ATG2A: variants seen among roughly 807,000 people sequenced by gnomAD.
ATG2A encodes autophagy-related protein 2 homolog A.
In ATG2A, 103 loss-of-function variants were observed where a neutral mutation model predicts 214.2. That is an observed-to-expected ratio of 0.48 (90% CI 0.41 to 0.57). ATG2A has a LOEUF of 0.57. Ranked by LOEUF, ATG2A falls within the 20% of genes least tolerant of loss-of-function variation. The pLI is 0.00. For missense variants in ATG2A, 2,312 were observed against 2,613.2 expected (o/e 0.88, Z 2.51); for synonymous variants, 1,160 against 1,142.1 (o/e 1.02, Z -0.32).
Position 64,898,567 on chromosome 11 carries a change from C to T in ATG2A, c.4671+69G>A. On this transcript the variant is annotated intron_variant, in intron 32 of 40. Coordinates refer to ENST00000377264, the MANE Select transcript of ATG2A (RefSeq NM_015104.3). This position sits in a 1 kb window ranked among gnomAD's most constrained non-coding sequence, Gnocchi z 4.5. ...ATGCGTGTATGTGTGTGAATCCATG[C>T]ATGCGTGAAGATGTATCCCCAACGG... 1 of 1,544,716 alleles carries T rather than the reference C, an allele frequency of 6.5e-7. No individual in the cohort carries two copies. The highest frequency in any genetic ancestry group is 8.9e-7 in the Non-Finnish European group (1 of 1,120,416).
chr11:64,909,819 C>A lies in ATG2A; in HGVS notation c.1969G>T (p.Asp657Tyr). The A allele has an allele frequency of 1.2e-6, 2 of 1,611,392 alleles. No individual in the cohort carries two copies. Among genetic ancestry groups the A allele is most frequent in the Non-Finnish European group, 8.5e-7 (1 of 1,179,440 alleles). The change falls in exon 14 of 41, where the codon GAC becomes TAC. Residue 657 changes from aspartate (D) to tyrosine (Y), a missense_variant. Asp to Tyr is a radical substitution (Grantham distance 160). Coordinates refer to ENST00000377264, the MANE Select transcript of ATG2A (RefSeq NM_015104.3). The part of the protein sequence containing the change: ...FPIADLRPEP[D>Y]PWAGQAVRAE... ...CGCACGGCCTGGCCCGCCCAGGGGT[C>A]CGGCTCAGGCCGCAGGTCGGCAATG...
Position 64,911,898 on chromosome 11 carries a change from G to A in ATG2A, c.1172C>T (p.Ser391Phe). 1.2e-6 allele frequency: 2 copies of A among 1,613,776 alleles called. No individual in the cohort carries two copies. Among genetic ancestry groups the A allele is most frequent in the East Asian group, 4.5e-5 (2 of 44,886 alleles). Residue 391 changes from serine to phenylalanine, a missense_variant, in exon 9 of 41, where the codon TCC (serine) becomes TTC (phenylalanine). Coordinates refer to ENST00000377264, the MANE Select transcript of ATG2A (RefSeq NM_015104.3). ...ELSLSDVDLA[S>F]SVRSDMASRR... ...GGAGGCCATGTCGCTGCGCACAGAG[G>A]AGGCCAGGTCTACATCGGAGAGGGA... is the stretch of plus-strand genomic sequence containing the variant.
intron 22 of ATG2A, 85 bp downstream of exon 22, chr11:64,906,028 G>A (rs1214066279): frequency 5.3e-5 from 78 of 1,475,210 alleles, no homozygotes; most frequent in Non-Finnish European, 7.0e-5. Context: ...TCCTCCCACC[G>A]GCCTCCTCCC....
rs780263618 is a variant in ATG2A at position 64,895,402 on chromosome 11, G to T, written c.5468C>A (p.Ala1823Asp). The change falls in exon 40 of 41, where the codon GCC (alanine) becomes GAC (aspartate). Residue 1823 changes from alanine (A) to aspartate (D), a missense_variant. By Grantham distance (126) the Ala-to-Asp change is moderately radical. Coordinates refer to ENST00000377264, the MANE Select transcript of ATG2A (RefSeq NM_015104.3). This position sits in a 1 kb window ranked among gnomAD's most constrained non-coding sequence, Gnocchi z 5.0. ...ATCCTGCAGGGAGCGGGAGACGGGG[G>T]CTGCCGGGGACAGGATGTCATACAC... is the stretch of plus-strand genomic sequence containing the variant. Reference protein sequence around the residue: ...ETVYDILSPAAPVSRSLQDKR... With the variant: ...ETVYDILSPADPVSRSLQDKR... 1.2e-6 allele frequency: 2 copies of T among 1,608,222 alleles called. No homozygotes were observed. The highest frequency in any genetic ancestry group is 2.7e-5 in the African/African-American group (2 of 74,842).
At chr11:64,906,903 C>T in intron 19 of ATG2A, 88 bp from the exon 20 acceptor site, 1 of 1,464,228 alleles carries the variant, frequency 6.8e-7, no homozygotes, top group Non-Finnish European at 9.1e-7. Flanking sequence ...GGAGCCCTGG[C>T]CTAAGGGGGT....
In ATG2A at chr11:64,912,185, C is replaced by T; in HGVS notation, c.987G>A (p.Leu329=). 6.2e-7 allele frequency: 1 copy of T among 1,613,962 alleles called. No homozygotes were observed. Among genetic ancestry groups the T allele is most frequent in the South Asian group, 1.1e-5 (1 of 91,090 alleles). The change falls in exon 8 of 41, where the codon CTG becomes CTA. Residue 329 remains leucine, a synonymous_variant. Transcript: ENST00000377264. ...GCTGCTGGTTCAGGTCCTGCTCAAT[C>T]AGCCACAGGTCTTCGGCACCTAGCG... ...SRPLGAEDLW[L]IEQDLNQQLQ... is the part of the protein sequence containing the mutation.
rs771790694 is a variant in ATG2A, at chr11:64,898,983, G to A, written c.4465-141C>T. ...GGTTGGAGTGCAGTGGCGTGATCTC[G>A]GCTCACTGCAACCTCTGCCTCTCGG... On this transcript the variant is annotated intron_variant, in intron 31 of 40. Transcript: ENST00000377264. This position sits in a 1 kb window ranked among gnomAD's most constrained non-coding sequence, Gnocchi z 4.5. 1.5e-5 allele frequency: 11 copies of A among 735,856 alleles called. No individual in the cohort carries two copies. Among genetic ancestry groups the A allele is most frequent in the Middle Eastern group, 7.8e-4 (2 of 2,568 alleles). 45.6% of individuals were successfully genotyped at this position (735,856 alleles called of 1,614,324 possible).
chr11:64,911,229 C>G lies in ATG2A; in HGVS notation c.1275G>C (p.Ser425=), dbSNP rs200164550. Residue 425 remains serine (S), a synonymous_variant, in exon 10 of 41, where the codon TCG becomes TCC. Transcript: ENST00000377264. ...NPLLDTMRPD[S]LLKMTLGGVT... is the part of the protein sequence containing the mutation. ...CACCCCCCAAGGTCATCTTCAGCAG[C>G]GAGTCAGGGCGCATGGTGTCCAGGA... The G allele has an allele frequency of 6.2e-6, 10 of 1,613,936 alleles. No individual in the cohort carries two copies. Among genetic ancestry groups the G allele is most frequent in the Non-Finnish European group, 8.5e-6 (10 of 1,180,056 alleles).
In ATG2A at chr11:64,911,746, G is replaced by A. The variant is rs572391996; in HGVS notation, c.1228+96C>T. On this transcript the variant is annotated intron_variant, in intron 9 of 40. Coordinates refer to ENST00000377264, the MANE Select transcript of ATG2A (RefSeq NM_015104.3). ...CACAGATGGTAGATATCCAGGCATC[G>A]CTGGGGATTTCCTGTGTGCCTCTGA... is the stretch of plus-strand genomic sequence containing the variant. 1,424 of 1,511,518 alleles carry A rather than the reference G, an allele frequency of 9.4e-4. 2 individuals are homozygous for A. Among genetic ancestry groups the A allele is most frequent in the African/African-American group, 3.3e-3 (242 of 72,576 alleles). The allele number at this position is 1,511,518 out of a possible 1,614,324, so 93.6% of individuals were successfully genotyped here. A position where few individuals can be genotyped will look rare whatever the true frequency, so the allele number is the denominator to read the frequency against.
At position 64,912,245 on chromosome 11, in the gene ATG2A, G is replaced by A. The variant is rs202060798; in HGVS notation, c.927C>T (p.His309=). ...TGTTCAGCTTGTCAGCCAGGCCCTCGTGGTCTGCAGGGGAGGAGACTTCAG... is the reference window on the plus strand; with the variant it reads ...TGTTCAGCTTGTCAGCCAGGCCCTCATGGTCTGCAGGGGAGGAGACTTCAG... ...ELLSAVSLTD[H]EGLADKLNKS... is the part of the protein sequence containing the mutation. The change falls in exon 8 of 41, where the codon CAC becomes CAT. Residue 309 remains histidine, a synonymous_variant. Coordinates refer to ENST00000377264, the MANE Select transcript of ATG2A (RefSeq NM_015104.3). The A allele has an allele frequency of 2.4e-4, 384 of 1,612,762 alleles. 4 individuals carry two copies. The East Asian group carries it at 8.1e-3, about 34-fold the overall frequency.
At position 64,916,626 on chromosome 11, in the gene ATG2A, C is replaced by T. The variant is rs7933426; in HGVS notation, c.171+339G>A. On this transcript the variant is annotated intron_variant, in intron 1 of 40. Transcript: ENST00000377264. ...CTGCCCTGGCCCAGCTCAGTTCCTA[C>T]GCTCCCTCCCCAGCCCCTCCTCAGC... Among the ~76,000 whole-genome samples, 463 of 152,204 alleles carry T rather than the reference C, an allele frequency of 3.0e-3. 3 individuals carry two copies. The highest frequency in any genetic ancestry group is 0.011 in the African/African-American group (445 of 41,530).
Position 64,894,915 on chromosome 11 carries a change from T to C in ATG2A, c.*58A>G. ...CCGGGCCGGGCCCGTGGGCTGCAGC[T>C]CTTGGGAGGCTCAGGAGCATGGTGG... is the stretch of plus-strand genomic sequence containing the variant. On this transcript the variant is annotated 3_prime_UTR_variant, in exon 41 of 41. Transcript: ENST00000377264. 1 of 1,597,254 alleles carries C rather than the reference T, an allele frequency of 6.3e-7. No individual in the cohort carries two copies. The highest frequency in any genetic ancestry group is 1.3e-5 in the African/African-American group (1 of 74,826).
chr11:64,909,832 C>A lies in ATG2A; in HGVS notation c.1956G>T (p.Leu652=). Residue 652 remains leucine (L), a synonymous_variant, in exon 14 of 41, where the codon CTG becomes CTT. Transcript: ENST00000377264. The part of the protein sequence containing the change: ...TLRLRFPIAD[L]RPEPDPWAGQ... ...CCGCCCAGGGGTCCGGCTCAGGCCGCAGGTCGGCAATGGGGAAGCGCAGCC... is the reference window on the plus strand; with the variant it reads ...CCGCCCAGGGGTCCGGCTCAGGCCGAAGGTCGGCAATGGGGAAGCGCAGCC... The A allele has an allele frequency of 5.0e-6, 8 of 1,610,828 alleles. No individual in the cohort carries two copies. The highest frequency in any genetic ancestry group is 6.8e-6 in the Non-Finnish European group (8 of 1,179,254).
At position 64,913,352 on chromosome 11, in the gene ATG2A, CCGG is replaced by C; in HGVS notation, c.637_639del (p.Pro213del). The C allele has an allele frequency of 6.2e-7, 1 of 1,602,262 alleles. No homozygotes were observed. Among genetic ancestry groups the C allele is most frequent in the East Asian group, 2.2e-5 (1 of 44,480 alleles). On this transcript the variant is annotated inframe_deletion, in exon 5 of 41. Coordinates refer to ENST00000377264, the MANE Select transcript of ATG2A (RefSeq NM_015104.3). This position sits in a 1 kb window ranked among gnomAD's most constrained non-coding sequence, Gnocchi z 4.3. ...AAGGCAGGCGGCTGATGCACGTCCA[CCGG>C]CGGCGCCTGGCTTGGGTCCCGCACT...
In ATG2A at chr11:64,907,395, C is replaced by T; in HGVS notation, c.2692G>A (p.Asp898Asn). ...LTPDSDSDDE[D>N]AHFFSVGASG... Reference sequence around the variant, plus strand: ...GCCCCCACTGAGAAGAAGTGGGCATCCTCGTCATCCGAGTCCGAGTCTGGG... The same window carrying T: ...GCCCCCACTGAGAAGAAGTGGGCATTCTCGTCATCCGAGTCCGAGTCTGGG... Residue 898 changes from aspartate to asparagine, a missense_variant, in exon 19 of 41, where the codon GAT becomes AAT. Transcript: ENST00000377264. 2 of 1,576,910 alleles carry T rather than the reference C, an allele frequency of 1.3e-6. No individual in the cohort carries two copies. The highest frequency in any genetic ancestry group is 1.7e-6 in the Non-Finnish European group (2 of 1,161,430).
intron 27 of ATG2A, 36 bp downstream of exon 27, chr11:64,902,480 G>A: frequency 1.3e-6 from 2 of 1,534,370 alleles, no homozygotes; most frequent in Non-Finnish European, 1.8e-6. Flanking sequence ...GCCTGGCCGA[G>A]CTCTGGTAGC....
chr11:64,896,723 AGG>A, intron 38 of ATG2A, 23 bp downstream of exon 38: 1 of 1,612,688 alleles, frequency 6.2e-7, no homozygotes, highest in African/African-American at 1.3e-5. Flanking sequence ...AGCAGTTTCG[AGG>A]GCTTCCAAAC....
chr11:64,903,534 G>T lies in ATG2A; in HGVS notation c.3535+56C>A. ...GGGGAGACACCTGGCTGCTCTGGGT[G>T]TGGCCGGGGCGGTGGTCCCTCAGAG... On this transcript the variant is annotated intron_variant, in intron 25 of 40. Transcript: ENST00000377264. This position sits in a 1 kb window ranked among gnomAD's most constrained non-coding sequence, Gnocchi z 4.2. 6.6e-7 allele frequency: 1 copy of T among 1,508,308 alleles called. No individual in the cohort carries two copies. The highest frequency in any genetic ancestry group is 1.3e-5 in the South Asian group (1 of 78,570). The allele number at this position is 1,508,308 out of a possible 1,614,324, so 93.4% of individuals were successfully genotyped here. A position where few individuals can be genotyped will look rare whatever the true frequency, so the allele number is the denominator to read the frequency against.
rs1416419761 is a variant in ATG2A at position 64,894,607 on chromosome 11, A to AAAT, written c.*363_*365dup. On this transcript the variant is annotated 3_prime_UTR_variant, in exon 41 of 41. Coordinates refer to ENST00000377264, the MANE Select transcript of ATG2A (RefSeq NM_015104.3). ...TGACCCACGCACTCACGGAGCTTAA[A>AAAT]AATAATACATCGAACCACACGGATA... is the stretch of plus-strand genomic sequence containing the variant. The AAAT allele has an allele frequency of 5.6e-6, 3 of 531,084 alleles. No individual in the cohort carries two copies. Among genetic ancestry groups the AAAT allele is most frequent in the Middle Eastern group, 5.7e-4 (2 of 3,516 alleles). The allele number at this position is 531,084 out of a possible 1,614,324, so 32.9% of individuals were successfully genotyped here. A position where few individuals can be genotyped will look rare whatever the true frequency, so the allele number is the denominator to read the frequency against.
Sources: gnomAD v4.1 joint callset for allele counts (sites outside exome capture counted in the v4.1 genomes callset) on GRCh38, gnomAD v4.1.1 for gene constraint, Gnocchi (gnomAD v3.1) non-coding constraint, MANE v1.5 for transcripts, NCBI Gene and HGNC (gene_info 2026-07-23, HGNC 2026-07-21) for gene names.